Variants in HEXD observed in about 807,000 individuals in gnomAD.
HEXD encodes the protein N-acetyl-beta-galactosaminidase.
In HEXD, 47 loss-of-function variants were observed where a neutral mutation model predicts 54.2. That is an observed-to-expected ratio of 0.87 (90% CI 0.69 to 1.11). The LOEUF (loss-of-function observed/expected upper bound fraction) is 1.11, where lower values mean the gene tolerates loss of function less well. Among genes scored for constraint, HEXD ranks in the 50% least tolerant of loss-of-function variants. The pLI is 0.00. For missense variants in HEXD, 576 were observed against 649.2 expected, an observed-to-expected ratio of 0.89 and a Z score of 1.23; for synonymous variants, 293 against 287.6, an observed-to-expected ratio of 1.02 and a Z score of -0.19.
Position 82,433,746 on chromosome 17 carries a change from C to T in HEXD, c.371C>T (p.Ala124Val), listed in dbSNP as rs756499561. 1.4e-5 allele frequency: 23 copies of T among 1,613,088 alleles called. No individual in the cohort carries two copies. Among genetic ancestry groups the T allele is most frequent in the East Asian group, 8.9e-5 (4 of 44,850 alleles). Residue 124 changes from alanine (A) to valine (V), a missense_variant, in exon 5 of 13, where the codon GCG becomes GTG. Physicochemically the swap from Ala to Val is moderately conservative, Grantham distance 64. Transcript: ENST00000327949. ...TLNPHEAESL[A>V]LVGAMIDQVL... ...AACCCCCACGAGGCAGAGTCCCTGGCGCTGGTGGGCGCCATGATTGACCAG... is the reference window on the plus strand; with the variant it reads ...AACCCCCACGAGGCAGAGTCCCTGGTGCTGGTGGGCGCCATGATTGACCAG...
intron 2 of HEXD, among the ~76,000 whole-genome samples, chr17:82,422,740 C>G (rs2053272092): frequency 6.6e-6 from 1 of 152,020 alleles, no homozygotes; most frequent in African/African-American, 2.4e-5. Flanking sequence ...GAAGACTGAA[C>G]TTACATACAG....
chr17:82,435,481 A>C (rs1320244227), intron 5 of HEXD, among the ~76,000 whole-genome samples: 1 of 152,190 alleles, frequency 6.6e-6, no homozygotes, highest in African/African-American at 2.4e-5. Context: ...GCTGCTGTGA[A>C]CATTCACAGG....
intron 4 of HEXD, among the ~76,000 whole-genome samples, chr17:82,433,128 A>ATATTTT (rs71168109): frequency 3.1e-4 from 4 of 13,070 alleles, no homozygotes; most frequent in Admixed American, 1.5e-3. Flanking sequence ...ATATATATAT[A>ATATTTT]TTTTTTTTTT....
chr17:82,440,390 C>A, intron 9 of HEXD: 1 of 1,059,446 alleles, frequency 9.4e-7, no homozygotes, highest in Non-Finnish European at 1.2e-6. Context: ...CTCTCAACTG[C>A]TTAGAAAGGG....
chr17:82,422,451 C>T (rs566709089), intron 2 of HEXD, among the ~76,000 whole-genome samples: 3 of 149,028 alleles, frequency 2.0e-5, no homozygotes, highest in African/African-American at 2.5e-5. Flanking sequence ...GAGCCAAGAT[C>T]GTGCCACTGC....
At chr17:82,435,604 T>A in intron 5 of HEXD, 85 bp from the exon 6 acceptor site, 1 of 1,402,214 alleles carries the variant, frequency 7.1e-7, no homozygotes, top group South Asian at 1.3e-5. Context: ...GCGGCCCCTC[T>A]CCGTCAGGGC....
At chr17:82,426,027 C>T (rs1404653291) in intron 3 of HEXD, 1 of 125,236 alleles carries the variant, frequency 8.0e-6, no homozygotes, top group Non-Finnish European at 1.6e-5. Flanking sequence ...TGGCTTGAGC[C>T]TGGTGTTAGG....
chr17:82,424,552 G>T, intron 3 of HEXD, 49 bp downstream of exon 3: 1 of 1,372,096 alleles, frequency 7.3e-7, no homozygotes, highest in South Asian at 1.2e-5. Context: ...AAGCGGGGAA[G>T]GGGGGGTTCC....
In HEXD at chr17:82,437,217, A is replaced by G. The variant is rs80263883; in HGVS notation, c.753A>G (p.Ala251=). 570 of 1,606,546 alleles carry G rather than the reference A, an allele frequency of 3.5e-4. 1 individual carries two copies. In the East Asian group the frequency reaches 0.012, roughly 33 times the overall value. ...GGTGCGGCTTTCCGCAGCTGTGGGC[A>G]GCCAGTGCCTTCAAGGGTGCCACGG... ...YRRCGFPQLW[A]ASAFKGATGP... is the part of the protein sequence containing the mutation. The change falls in exon 8 of 13, where the codon GCA becomes GCG. Residue 251 remains alanine, a synonymous_variant. Coordinates refer to ENST00000327949, the MANE Select transcript of HEXD (RefSeq NM_001330542.2).
chr17:82,442,614 C>G lies in HEXD; in HGVS notation c.*230C>G, dbSNP rs1346589517. 3 of 1,545,398 alleles carry G rather than the reference C, an allele frequency of 1.9e-6. No individual in the cohort carries two copies. In the Admixed American group the frequency reaches 5.7e-5, roughly 29 times the overall value. On this transcript the variant is annotated 3_prime_UTR_variant, in exon 13 of 13. Coordinates refer to ENST00000327949, the MANE Select transcript of HEXD (RefSeq NM_001330542.2). The surrounding 1 kb of genome is among the most constrained non-coding windows in gnomAD (Gnocchi z 6.8). ...GTGATCTGCATGTGTGACACTGATT[C>G]TTTGGAAATAAAGAGTGGAAGCTGC...
In HEXD at chr17:82,428,490, T is replaced by TA. The variant is rs1027766417; in HGVS notation, c.195-68_195-67insA. ...CCCCCAGGGCCTGATGAGGAAGGGC[T>TA]GGGGGGGTGGGTGTGGAAGTCACGT... On this transcript the variant is annotated intron_variant, in intron 3 of 12. Transcript: ENST00000327949. The TA allele has an allele frequency of 2.5e-5, 35 of 1,374,270 alleles. No individual in the cohort carries two copies. The African/African-American group carries it at 4.7e-4, about 18-fold the overall frequency. 85.1% of individuals were successfully genotyped at this position (1,374,270 alleles called of 1,614,324 possible). A position where few individuals can be genotyped will look rare whatever the true frequency, so the allele number is the denominator to read the frequency against.
In HEXD at chr17:82,428,662, G is replaced by T; in HGVS notation, c.282+17G>T. 3 of 1,607,174 alleles carry T rather than the reference G, an allele frequency of 1.9e-6. No homozygotes were observed. Among genetic ancestry groups the T allele is most frequent in the Non-Finnish European group, 1.7e-6 (2 of 1,173,806 alleles). ...CACATGGAGGTGAGTGGCAGAAATG[G>T]AAGTTACCTGGTGCCAGGTGTGGGG... On this transcript the variant is annotated intron_variant, in intron 4 of 12. Transcript: ENST00000327949.
chr17:82,433,615 C>T, intron 4 of HEXD, 43 bp from the exon 5 acceptor site: 1 of 1,497,774 alleles, frequency 6.7e-7, no homozygotes, highest in Non-Finnish European at 8.9e-7. Context: ...GAGATCAGTC[C>T]AGCTCCTCCG....
chr17:82,435,588 C>A, intron 5 of HEXD, 101 bp from the exon 6 acceptor site: 1 of 1,225,706 alleles, frequency 8.2e-7, no homozygotes, highest in Non-Finnish European at 1.1e-6. Flanking sequence ...CTCCTCCCCA[C>A]AGGCAGCGGC....
At chr17:82,440,143 T>A (rs1202630906) in intron 9 of HEXD, 26 of 1,292,452 alleles carry the variant, frequency 2.0e-5, no homozygotes, top group Non-Finnish European at 2.2e-5. Context: ...GCGGGACCCA[T>A]GGGCAGGGGC....
chr17:82,436,603 G>A, intron 6 of HEXD, 64 bp from the exon 7 acceptor site: 2 of 1,346,550 alleles, frequency 1.5e-6, no homozygotes, highest in Non-Finnish European at 2.1e-6. Flanking sequence ...GAGAACAGGT[G>A]GGTCCGAGGG....
intron 11 of HEXD, 111 bp from the exon 12 acceptor site, chr17:82,441,689 A>AT: frequency 1.2e-6 from 1 of 862,050 alleles, no homozygotes; most frequent in Non-Finnish European, 2.0e-6. Context: ...TCTGGGGGAC[A>AT]TAAGACTTAG....
intron 3 of HEXD, chr17:82,427,271 C>G (rs1661441386): frequency 6.6e-6 from 1 of 152,122 alleles, no homozygotes; most frequent in Admixed American, 6.5e-5. Flanking sequence ...CCACTGCACT[C>G]CAGCCTGGGT....
intron 9 of HEXD, chr17:82,440,422 A>G: frequency 1.4e-6 from 1 of 738,020 alleles, no homozygotes; most frequent in South Asian, 1.8e-5. Flanking sequence ...AAAAACAGAC[A>G]CCCCTGTACC....
Sources: allele counts gnomAD v4.1 joint callset (sites outside exome capture counted in the v4.1 genomes callset), GRCh38; gene constraint gnomAD v4.1.1; non-coding constraint Gnocchi (gnomAD v3.1); transcripts MANE v1.5; gene names NCBI Gene and HGNC (gene_info 2026-07-23, HGNC 2026-07-21).